CAPS2: variants seen among roughly 807,000 people sequenced by gnomAD.
CAPS2 encodes the protein calcyphosin-2.
Under a neutral mutation model 86.5 loss-of-function variants are expected in CAPS2, and 98 were observed. The ratio of observed to expected loss-of-function variants is 1.13; its 90% CI spans 0.96 to 1.34. CAPS2 has a LOEUF of 1.34. CAPS2 is among the 40% of genes most tolerant of loss of function. The pLI is 0.00. For missense variants in CAPS2, 729 were observed against 686.8 expected (o/e 1.06, Z -0.69); for synonymous variants, 210 against 225.1 (o/e 0.93, Z 0.60).
chr12:75,293,495 T>G (rs2036368209), intron 11 of CAPS2, 128 bp from the exon 12 acceptor site: 6 of 668,830 alleles, frequency 9.0e-6, no homozygotes, highest in Non-Finnish European at 1.3e-5. Flanking sequence ...AGAAGTATAT[T>G]TGGAGAATGC....
chr12:75,290,936 A>AAAAAAAC (rs1555191375), intron 13 of CAPS2, among the ~76,000 whole-genome samples: 1 of 147,122 alleles, frequency 6.8e-6, no homozygotes, highest in African/African-American at 2.5e-5. Flanking sequence ...AAAAAAAAAC[A>AAAAAAAC]AAAAAAAAAC....
chr12:75,291,737 C>T lies in CAPS2; in HGVS notation c.1240+7G>A, dbSNP rs895604079. On this transcript the variant is annotated splice_region_variant and intron_variant, in intron 13 of 16. Coordinates refer to ENST00000393284, the Ensembl canonical transcript of CAPS2. The stretch of plus-strand genomic sequence containing the variant: ...AAAGTACTTGAGAGTACAGTAATAA[C>T]ACATACCTTGAATTGCTTTGAAGAC... The T allele has an allele frequency of 6.6e-7, 1 of 1,515,834 alleles. No homozygotes were observed. 93.9% of individuals were successfully genotyped at this position (1,515,834 alleles called of 1,614,324 possible). A position where few individuals can be genotyped will look rare whatever the true frequency, so the allele number is the denominator to read the frequency against.
chr12:75,317,008 A>ATT (rs1446726285), intron 5 of CAPS2, among the ~76,000 whole-genome samples: 1 of 152,196 alleles, frequency 6.6e-6, no homozygotes, highest in Non-Finnish European at 1.5e-5. Context: ...AAAACTTAAT[A>ATT]GATTATAAGA....
chr12:75,305,950 G>C, intron 7 of CAPS2: 1 of 1,172,102 alleles, frequency 8.5e-7, no homozygotes, highest in South Asian at 1.3e-5. Context: ...GGAGCCCGAG[G>C]AGCATGGACA....
At chr12:75,340,868 C>T (rs2042056495) in intron 1 of CAPS2, among the ~76,000 whole-genome samples, 1 of 151,256 alleles carries the variant, frequency 6.6e-6, no homozygotes, top group South Asian at 2.1e-4. Context: ...CAAATTAAAA[C>T]CACAAGGACA....
At chr12:75,325,116 T>C in intron 2 of CAPS2, 123 bp downstream of exon 3, 3 of 795,642 alleles carry the variant, frequency 3.8e-6, no homozygotes, top group Non-Finnish European at 5.6e-6. Context: ...TCCATATGCA[T>C]ATAGATTTTT....
intron 1 of CAPS2, chr12:75,360,203 C>G (rs1422623949): frequency 6.6e-6 from 1 of 152,078 alleles, no homozygotes; most frequent in East Asian, 1.9e-4. Context: ...GGACACAGAG[C>G]CAAACCCTAT....
At chr12:75,293,477 C>A in intron 11 of CAPS2, 110 bp from the exon 12 acceptor site, 1 of 731,370 alleles carries the variant, frequency 1.4e-6, no homozygotes, top group East Asian at 2.7e-5. Flanking sequence ...TATACTTTAA[C>A]AAGGGTAAGA....
chr12:75,306,056 C>T (rs940810834), intron 7 of CAPS2: 3 of 1,465,450 alleles, frequency 2.0e-6, no homozygotes, highest in African/African-American at 1.4e-5. Context: ...GAGACAGCGC[C>T]GTCTAGAACG....
At chr12:75,296,293 T>C (rs1395909622) in intron 11 of CAPS2, among the ~76,000 whole-genome samples, 1 of 151,848 alleles carries the variant, frequency 6.6e-6, no homozygotes, top group African/African-American at 2.4e-5. Flanking sequence ...CATATGTGGG[T>C]ACACTTTTTT....
intron 1 of CAPS2, among the ~76,000 whole-genome samples, chr12:75,385,146 A>G (rs1442270487): frequency 6.6e-6 from 1 of 152,188 alleles, no homozygotes; most frequent in Non-Finnish European, 1.5e-5. Context: ...GCAAGAAGGT[A>G]TTTCACCAAA....
chr12:75,298,993 T>G (rs747429919), intron 9 of CAPS2, 27 bp from the exon 10 acceptor site: 10 of 1,399,702 alleles, frequency 7.1e-6, no homozygotes, highest in Non-Finnish European at 9.8e-6. Context: ...AAATCAAACA[T>G]CTTCAAATAG....
intron 1 of CAPS2, chr12:75,344,022 CTTTA>C: frequency 8.8e-7 from 1 of 1,138,116 alleles, no homozygotes; most frequent in East Asian, 2.4e-5. Flanking sequence ...TGTAAAGTGC[CTTTA>C]TTTTTCTGGC....
chr12:75,292,093 G>T (rs113875004), intron 12 of CAPS2, among the ~76,000 whole-genome samples: 2 of 152,208 alleles, frequency 1.3e-5, no homozygotes, highest in African/African-American at 2.4e-5. Flanking sequence ...TTGAGACAGA[G>T]TCTCGCTCTG....
At chr12:75,295,447 C>T (rs570527269) in intron 11 of CAPS2, among the ~76,000 whole-genome samples, 2 of 152,324 alleles carry the variant, frequency 1.3e-5, no homozygotes, top group South Asian at 4.1e-4. Flanking sequence ...CCAGTCTTCA[C>T]TGACTAAAAA....
chr12:75,341,148 A>G (rs2042076819), intron 1 of CAPS2, among the ~76,000 whole-genome samples: 1 of 152,170 alleles, frequency 6.6e-6, no homozygotes, highest in African/African-American at 2.4e-5. Flanking sequence ...GCTACATAAA[A>G]ACCTGCTCAC....
intron 5 of CAPS2, among the ~76,000 whole-genome samples, chr12:75,317,774 T>C (rs188480258): frequency 6.6e-6 from 1 of 152,230 alleles, no homozygotes; most frequent in Non-Finnish European, 1.5e-5. Context: ...ATCAAATTAA[T>C]TAATACATCC....
chr12:75,278,878 T>C, exon 17 of CAPS2: 5 of 1,532,416 alleles, frequency 3.3e-6, no homozygotes, highest in East Asian at 2.3e-5. Flanking sequence ...ATGACATATG[T>C]ATTATTAAAG....
chr12:75,292,482 T>A (rs1461473945), intron 12 of CAPS2, among the ~76,000 whole-genome samples: 3 of 151,018 alleles, frequency 2.0e-5, no homozygotes, highest in Non-Finnish European at 4.4e-5. Context: ...AAAAGCCCCC[T>A]CAAATGCATT....
Sources: gnomAD v4.1 joint callset for allele counts (sites outside exome capture counted in the v4.1 genomes callset) on GRCh38, gnomAD v4.1.1 for gene constraint, MANE v1.5 for transcripts, NCBI Gene and HGNC (gene_info 2026-07-23, HGNC 2026-07-21) for gene names.